Variants in RAB7B observed in about 807,000 individuals in gnomAD.
RAB7B encodes the protein RAB7B, member RAS oncogene family.
At chr1:205,989,599 T>C (rs1660681981) in intron 4 of RAB7B, among the ~76,000 whole-genome samples, 1 of 152,078 alleles carries the variant, frequency 6.6e-6, no homozygotes, top group Admixed American at 6.5e-5. Context: ...TGGTCTCCTG[T>C]GCCCCGATCT....
intron 1 of RAB7B, among the ~76,000 whole-genome samples, chr1:205,998,280 C>A (rs1406091985): frequency 6.6e-6 from 1 of 152,124 alleles, no homozygotes; most frequent in Non-Finnish European, 1.5e-5. Flanking sequence ...CACTTGAACC[C>A]GGGAGGCAGA....
intron 1 of RAB7B, among the ~76,000 whole-genome samples, chr1:205,997,046 G>T (rs991744471): frequency 6.6e-6 from 1 of 152,198 alleles, no homozygotes; most frequent in Admixed American, 6.5e-5. Context: ...GACCAAAGGC[G>T]ATTTGAAGCT....
At chr1:205,979,076 T>C (rs975414815) in intron 5 of RAB7B, 148 bp from the exon 6 acceptor site, 1 of 392,058 alleles carries the variant, frequency 2.6e-6, no homozygotes, top group Non-Finnish European at 4.5e-6. Context: ...GGGAAGCCAC[T>C]GGTGTTCCCC....
chr1:205,979,467 A>T (rs1471430237), intron 5 of RAB7B, among the ~76,000 whole-genome samples: 5 of 151,824 alleles, frequency 3.3e-5, no homozygotes. Context: ...TTGTCCCAAC[A>T]AGGGTCCAGA....
chr1:206,000,424 A>G (rs1382788099), intron 1 of RAB7B, among the ~76,000 whole-genome samples: 6 of 152,208 alleles, frequency 3.9e-5, no homozygotes, highest in Non-Finnish European at 8.8e-5. Context: ...TGAGCAAGAG[A>G]GTGAGGATGT....
At position 206,000,958 on chromosome 1, in the gene RAB7B, C is replaced by T. The variant is rs1015533366; in HGVS notation, c.-17+2295G>A. On this transcript the variant is annotated intron_variant, in intron 1 of 5. Transcript: ENST00000617070. ...CAAGATCCTGGTAAGTTACCTCGGC[C>T]TTAACTTTGGGCTCCCACATTCCAC... Among the ~76,000 whole-genome samples the T allele has an allele frequency of 6.2e-3, 951 of 152,370 alleles. 8 individuals are homozygous for T. The highest frequency in any genetic ancestry group is 0.022 in the African/African-American group (902 of 41,592).
At chr1:205,993,231 G>T (rs1419878685) in intron 3 of RAB7B, among the ~76,000 whole-genome samples, 189 bp downstream of exon 3, 2 of 152,154 alleles carry the variant, frequency 1.3e-5, no homozygotes, top group African/African-American at 4.8e-5. Flanking sequence ...AATGGTTATG[G>T]CTGTGCCCCA....
intron 2 of RAB7B, among the ~76,000 whole-genome samples, chr1:205,993,856 T>C (rs1227806028): frequency 6.6e-6 from 1 of 152,200 alleles, no homozygotes; most frequent in Non-Finnish European, 1.5e-5. Flanking sequence ...GCTTGCCTAA[T>C]TCACACAGCT....
At chr1:205,985,864 C>T (rs1159278864) in intron 4 of RAB7B, among the ~76,000 whole-genome samples, 199 bp from the exon 5 acceptor site, 1 of 152,280 alleles carries the variant, frequency 6.6e-6, no homozygotes, top group Non-Finnish European at 1.5e-5. Flanking sequence ...TTATTGAGAA[C>T]CTCCCAAGTG....
chr1:205,983,842 G>A (rs899468163), intron 5 of RAB7B: 1 of 152,170 alleles, frequency 6.6e-6, no homozygotes, highest in Non-Finnish European at 1.5e-5. Context: ...TCATAACAGC[G>A]ACACAGTCAG....
intron 5 of RAB7B, among the ~76,000 whole-genome samples, chr1:205,980,312 C>T (rs924165933): frequency 4.6e-5 from 7 of 152,336 alleles, no homozygotes; most frequent in Middle Eastern, 3.4e-3. Context: ...CTAGTGTTGC[C>T]CTAATGACAT....
At chr1:206,000,789 G>C (rs1242176594) in intron 1 of RAB7B, among the ~76,000 whole-genome samples, 1 of 152,188 alleles carries the variant, frequency 6.6e-6, no homozygotes, top group Non-Finnish European at 1.5e-5. Flanking sequence ...ACTCCTGCAA[G>C]GACTTCAAAG....
intron 1 of RAB7B, 122 bp from the exon 2 acceptor site, chr1:205,994,273 T>A (rs1571798339): frequency 2.5e-6 from 1 of 394,318 alleles, no homozygotes; most frequent in Admixed American, 4.4e-5. Flanking sequence ...CGGGACTGGG[T>A]GGGGTTCTCC....
At chr1:205,985,751 T>TCCCCACCAGGCCCACCATCCCCAC (rs1571792732) in intron 4 of RAB7B, 86 bp from the exon 5 acceptor site, 1 of 179,502 alleles carries the variant, frequency 5.6e-6, no homozygotes, top group Non-Finnish European at 9.6e-6. Flanking sequence ...ACCATCCCCA[T>TCCCCACCAGGCCCACCATCCCCAC]CAGGCCCACC....
In RAB7B at chr1:206,001,979, C is replaced by T. The variant is rs1023019230; in HGVS notation, c.-17+1274G>A. Among the ~76,000 whole-genome samples the T allele has an allele frequency of 2.3e-4, 35 of 152,258 alleles. No homozygotes were observed. In the East Asian group the frequency reaches 5.4e-3, roughly 24 times the overall value. ...GGGTATCACTTCTGCTGACAGGAGA[C>T]GAGTGAGCAGGGGCAGGTAAGGATT... On this transcript the variant is annotated intron_variant, in intron 1 of 5. Transcript: ENST00000617070.
rs886940129 is a variant in RAB7B at position 205,995,347 on chromosome 1, G to T, written c.-16-1196C>A. ...TGAGTTCCCACTTGTATAGAAAAAC[G>T]CCTGGAAGGAAATATATTAAAAATT... On this transcript the variant is annotated intron_variant, in intron 1 of 5. Coordinates refer to ENST00000617070, the MANE Select transcript of RAB7B (RefSeq NM_001164522.3). 4.6e-5 allele frequency among the ~76,000 whole-genome samples: 7 copies of T among 151,992 alleles called. No individual in the cohort carries two copies. In the East Asian group the frequency reaches 7.7e-4, roughly 17 times the overall value.
Position 206,002,775 on chromosome 1 carries a change from G to A in RAB7B, c.-17+478C>T, listed in dbSNP as rs1252692623. Among the ~76,000 whole-genome samples the A allele has an allele frequency of 2.6e-5, 4 of 152,328 alleles. No homozygotes were observed. In the East Asian group the frequency reaches 7.7e-4, roughly 29 times the overall value. Reference sequence around the variant, plus strand: ...GCACTGGGCAAGGAGAAATATTTATGATTTAGAACAGGAGTGATAATTTCC... The same window carrying A: ...GCACTGGGCAAGGAGAAATATTTATAATTTAGAACAGGAGTGATAATTTCC... On this transcript the variant is annotated intron_variant, in intron 1 of 5. Transcript: ENST00000617070.
At position 205,978,629 on chromosome 1, in the gene RAB7B, C is replaced by A. The variant is rs1485200651; in HGVS notation, c.*222G>T. On this transcript the variant is annotated 3_prime_UTR_variant, in exon 6 of 6. Coordinates refer to ENST00000617070, the MANE Select transcript of RAB7B (RefSeq NM_001164522.3). ...CAGGGTTTGGCTCTGACATTCCGGG[C>A]TTCATCCAGACGCTCTCACTATACT... is the stretch of plus-strand genomic sequence containing the variant. 1 of 374,446 alleles carries A rather than the reference C, an allele frequency of 2.7e-6. No homozygotes were observed. Among genetic ancestry groups the A allele is most frequent in the African/African-American group, 2.1e-5 (1 of 48,092 alleles). 23.2% of individuals were successfully genotyped at this position (374,446 alleles called of 1,614,324 possible).
chr1:206,001,300 G>GT (rs1660887459), intron 1 of RAB7B, among the ~76,000 whole-genome samples: 1 of 150,916 alleles, frequency 6.6e-6, no homozygotes, highest in Admixed American at 6.6e-5. Flanking sequence ...TAGAATTGAA[G>GT]TTTTTTATTA....
Sources: allele counts gnomAD v4.1 joint callset (sites outside exome capture counted in the v4.1 genomes callset), GRCh38; gene constraint gnomAD v4.1.1; transcripts MANE v1.5; gene names NCBI Gene and HGNC (gene_info 2026-07-23, HGNC 2026-07-21).